Variants in KIF16B observed in about 807,000 individuals in gnomAD.
KIF16B encodes kinesin family member 16B.
Under a neutral mutation model 156.3 loss-of-function variants are expected in KIF16B, and 98 were observed. That is an observed-to-expected ratio of 0.63 (90% confidence interval 0.53 to 0.74). KIF16B has a LOEUF of 0.74. Ranked by LOEUF, KIF16B falls within the 30% of genes least tolerant of loss-of-function variation. The pLI is 0.00. For missense variants in KIF16B, 1,421 were observed against 1,606.5 expected (o/e 0.88, Z 1.97); for synonymous variants, 564 against 583.7 (o/e 0.97, Z 0.49).
intron 1 of KIF16B, among the ~76,000 whole-genome samples, chr20:16,536,416 T>C (rs751380040): frequency 3.9e-5 from 6 of 152,198 alleles, no homozygotes; most frequent in Non-Finnish European, 5.9e-5. Context: ...TAAGTTCTAA[T>C]GCTTGTAAGC....
intron 25 of KIF16B, among the ~76,000 whole-genome samples, chr20:16,299,106 A>G (rs1184705511): frequency 1.3e-5 from 2 of 152,194 alleles, no homozygotes; most frequent in African/African-American, 2.4e-5. Flanking sequence ...ATTTGATGAT[A>G]GTATTGTGGT....
chr20:16,293,180 C>T (rs1404320018), intron 25 of KIF16B, among the ~76,000 whole-genome samples: 2 of 152,108 alleles, frequency 1.3e-5, no homozygotes, highest in Admixed American at 6.6e-5. Flanking sequence ...AAGGATATGG[C>T]AGAAATCGAT....
intron 15 of KIF16B, among the ~76,000 whole-genome samples, chr20:16,423,616 G>A (rs2066278790): frequency 6.6e-6 from 1 of 152,088 alleles, no homozygotes; most frequent in Non-Finnish European, 1.5e-5. Context: ...TTATAACAAG[G>A]TTACTTCCTT....
At chr20:16,550,483 C>T (rs541776889) in intron 1 of KIF16B, among the ~76,000 whole-genome samples, 11 of 146,364 alleles carry the variant, frequency 7.5e-5, no homozygotes, top group Non-Finnish European at 1.0e-4. Flanking sequence ...ATATCATTTT[C>T]GTTTTTTTTC....
At chr20:16,512,449 G>A (rs923227256) in intron 5 of KIF16B, among the ~76,000 whole-genome samples, 5 of 152,158 alleles carry the variant, frequency 3.3e-5, no homozygotes, top group Non-Finnish European at 1.5e-5. Context: ...AGATTTACTT[G>A]TAGATTAGAT....
intron 23 of KIF16B, among the ~76,000 whole-genome samples, chr20:16,339,440 C>T (rs1230880930): frequency 1.3e-5 from 2 of 152,122 alleles, no homozygotes; most frequent in Non-Finnish European, 2.9e-5. Context: ...TTATTTTCTA[C>T]CTGCACTCAC....
At chr20:16,346,240 A>T (rs1465836962) in intron 23 of KIF16B, among the ~76,000 whole-genome samples, 1 of 152,216 alleles carries the variant, frequency 6.6e-6, no homozygotes, top group Non-Finnish European at 1.5e-5. Flanking sequence ...AGCACATTGC[A>T]CAAGGAAAGG....
rs553964243 is a variant in KIF16B, at chr20:16,517,427, T to C, written c.232-1763A>G. On this transcript the variant is annotated intron_variant, in intron 3 of 25. Coordinates refer to ENST00000354981, the MANE Select transcript of KIF16B (RefSeq NM_024704.5). The stretch of plus-strand genomic sequence containing the variant: ...CTTACTCCGGTCTTTCTAAGCACTT[T>C]CGTGTGTTCATGTATAATTCTCATC... Among the ~76,000 whole-genome samples the C allele has an allele frequency of 6.4e-4, 97 of 152,224 alleles. 3 individuals are homozygous for C. Among genetic ancestry groups the C allele is most frequent in the Non-Finnish European group, 4.8e-4 (33 of 68,042 alleles).
intron 12 of KIF16B, among the ~76,000 whole-genome samples, chr20:16,476,714 A>G (rs954400571): frequency 1.3e-5 from 2 of 152,170 alleles, no homozygotes; most frequent in African/African-American, 4.8e-5. Flanking sequence ...CACCAAAGTG[A>G]AGTATCATTC....
chr20:16,382,805 T>C (rs1380140334), intron 17 of KIF16B, among the ~76,000 whole-genome samples: 1 of 152,072 alleles, frequency 6.6e-6, no homozygotes, highest in East Asian at 1.9e-4. Context: ...ATTTTTCTGT[T>C]GCGGTAGAGG....
intron 12 of KIF16B, among the ~76,000 whole-genome samples, chr20:16,458,416 A>G (rs1455394569): frequency 1.3e-5 from 2 of 152,146 alleles, no homozygotes; most frequent in Non-Finnish European, 2.9e-5. Context: ...AAGAAATCAA[A>G]TTCTATTATA....
chr20:16,472,225 T>C (rs2067681898), intron 12 of KIF16B, among the ~76,000 whole-genome samples: 4 of 152,212 alleles, frequency 2.6e-5, no homozygotes, highest in Non-Finnish European at 5.9e-5. Flanking sequence ...TTGTGAAGGA[T>C]CATACAGCCC....
intron 1 of KIF16B, among the ~76,000 whole-genome samples, chr20:16,566,600 C>G (rs2071265303): frequency 6.6e-6 from 1 of 152,190 alleles, no homozygotes; most frequent in Admixed American, 6.5e-5. Context: ...TCCAGCCCCA[C>G]GAGGTGGGTC....
At chr20:16,560,982 C>T (rs955513160) in intron 1 of KIF16B, among the ~76,000 whole-genome samples, 1 of 151,876 alleles carries the variant, frequency 6.6e-6, no homozygotes, top group Admixed American at 6.6e-5. Flanking sequence ...TAACAATCAT[C>T]TTTTTTTAAA....
At chr20:16,477,202 T>C (rs1269530915) in intron 12 of KIF16B, among the ~76,000 whole-genome samples, 22 of 139,308 alleles carry the variant, frequency 1.6e-4, no homozygotes, top group African/African-American at 5.5e-4. Flanking sequence ...TTTTTTTTTC[T>C]CTCCTTAAAA....
chr20:16,415,561 C>A (rs2066064864), intron 15 of KIF16B, among the ~76,000 whole-genome samples: 1 of 152,116 alleles, frequency 6.6e-6, no homozygotes, highest in East Asian at 1.9e-4. Flanking sequence ...CTGCTTTCCA[C>A]AGAAAATTCA....
chr20:16,429,914 A>T lies in KIF16B; in HGVS notation c.1371T>A (p.Ile457=), dbSNP rs34550969. ...VVLDSELPHL[I]GIDDDLLSTG... is the part of the protein sequence containing the mutation. Reference sequence around the variant, plus strand: ...TACTCAAAAGGTCATCATCGATGCCAATCAAATGAGGCAGTTCAGAATCCA... The same window carrying T: ...TACTCAAAAGGTCATCATCGATGCCTATCAAATGAGGCAGTTCAGAATCCA... The change falls in exon 13 of 26, where the codon ATT becomes ATA. Residue 457 remains isoleucine, a synonymous_variant. Coordinates refer to ENST00000354981, the MANE Select transcript of KIF16B (RefSeq NM_024704.5). 0.15 allele frequency: 246,724 copies of T among 1,611,950 alleles called. 20,727 individuals are homozygous for T. Among genetic ancestry groups the T allele is most frequent in the Non-Finnish European group, 0.17 (205,231 of 1,178,556 alleles).
At chr20:16,383,583 CT>C (rs2065157099) in intron 17 of KIF16B, among the ~76,000 whole-genome samples, 1 of 152,106 alleles carries the variant, frequency 6.6e-6, no homozygotes, top group Non-Finnish European at 1.5e-5. Context: ...TTAAGTAGTC[CT>C]AGGACTTCAT....
At chr20:16,507,908 C>T in intron 7 of KIF16B, 50 bp downstream of exon 7, 4 of 1,603,838 alleles carry the variant, frequency 2.5e-6, no homozygotes, top group Non-Finnish European at 2.6e-6. Flanking sequence ...TGCTAATCAG[C>T]AAGTAAAGAC....
Sources: gnomAD v4.1 joint callset for allele counts (sites outside exome capture counted in the v4.1 genomes callset) on GRCh38, gnomAD v4.1.1 for gene constraint, MANE v1.5 for transcripts, NCBI Gene and HGNC (gene_info 2026-07-23, HGNC 2026-07-21) for gene names.